LAMC1: variants seen among roughly 807,000 people sequenced by gnomAD.
LAMC1 encodes laminin subunit gamma 1, also known as laminin subunit gamma-1.
In LAMC1, 38 loss-of-function variants were observed where a neutral mutation model predicts 173.6. The observed-to-expected ratio is 0.22, with a 90% confidence interval of 0.17 to 0.29. The LOEUF (loss-of-function observed/expected upper bound fraction) is 0.29, where lower values mean the gene tolerates loss of function less well. Ranked by LOEUF, LAMC1 falls within the 10% of genes least tolerant of loss-of-function variation. The pLI is 1.00. For missense variants in LAMC1, 1,824 were observed against 2,051.8 expected, an observed-to-expected ratio of 0.89 and a Z score of 2.14; for synonymous variants, 746 against 749.1, an observed-to-expected ratio of 1.00 and a Z score of 0.07.
rs1364877892 is a variant in LAMC1 at position 183,116,778 on chromosome 1, G to T, written c.1439G>T (p.Gly480Val). 2.5e-6 allele frequency: 4 copies of T among 1,613,880 alleles called. No homozygotes were observed. In the South Asian group the frequency reaches 4.4e-5, roughly 18 times the overall value. The change falls in exon 8 of 28, where the codon GGA (glycine) becomes GTA (valine). Residue 480 changes from glycine (G) to valine (V), a missense_variant. Coordinates refer to ENST00000258341, the MANE Select transcript of LAMC1 (RefSeq NM_002293.4). The part of the protein sequence containing the change: ...EGFNCERCKP[G>V]FFNLESSNPR... ...TTAATCTTTTTCAGATGCAAACCTG[G>T]ATTTTTTAATCTGGAATCATCTAAT...
chr1:183,141,576 C>G (rs1657115672), intron 27 of LAMC1, among the ~76,000 whole-genome samples: 1 of 152,184 alleles, frequency 6.6e-6, no homozygotes, highest in South Asian at 2.1e-4. Flanking sequence ...AGCCAGGACT[C>G]TTTGTAGCAA....
intron 1 of LAMC1, among the ~76,000 whole-genome samples, chr1:183,031,433 T>A (rs899226490): frequency 6.6e-6 from 1 of 152,114 alleles, no homozygotes; most frequent in African/African-American, 2.4e-5. Context: ...GCCTCCCGAG[T>A]AGCTGGGATT....
chr1:183,139,223 C>G (rs1406637566), intron 26 of LAMC1, among the ~76,000 whole-genome samples: 4 of 152,116 alleles, frequency 2.6e-5, no homozygotes, highest in African/African-American at 9.7e-5. Context: ...GAAAGAAGAT[C>G]TTTTATTATT....
chr1:183,104,037 A>G (rs1571441804), intron 2 of LAMC1, among the ~76,000 whole-genome samples: 1 of 152,212 alleles, frequency 6.6e-6, no homozygotes, highest in East Asian at 1.9e-4. Context: ...ACAAAATAAA[A>G]TGTATTTTTT....
In LAMC1 at chr1:183,055,620, T is replaced by C. The variant is rs1248590210; in HGVS notation, c.418+31486T>C. On this transcript the variant is annotated intron_variant, in intron 1 of 27. Coordinates refer to ENST00000258341, the MANE Select transcript of LAMC1 (RefSeq NM_002293.4). ...CAAGGTCAAGAGATTGAGACCATCC[T>C]GGCCAACATGGTGAAACCCCATCTG... 3.3e-5 allele frequency among the ~76,000 whole-genome samples: 5 copies of C among 152,052 alleles called. No homozygotes were observed. In the East Asian group the frequency reaches 9.7e-4, roughly 30 times the overall value.
At chr1:183,043,129 A>G (rs1047156092) in intron 1 of LAMC1, among the ~76,000 whole-genome samples, 1 of 152,130 alleles carries the variant, frequency 6.6e-6, no homozygotes, top group African/African-American at 2.4e-5. Context: ...GCAGCTGTGA[A>G]TCATGTTTTA....
chr1:183,046,638 C>T (rs989307230), intron 1 of LAMC1, among the ~76,000 whole-genome samples: 5 of 151,948 alleles, frequency 3.3e-5, no homozygotes, highest in African/African-American at 9.7e-5. Flanking sequence ...AAAAATAAAA[C>T]TTTTTTTGTG....
chr1:183,085,695 A>G (rs936467375), intron 1 of LAMC1, among the ~76,000 whole-genome samples: 14 of 152,086 alleles, frequency 9.2e-5, no homozygotes, highest in Non-Finnish European at 1.6e-4. Context: ...GGCGGGGAGA[A>G]TGCATTTGTC....
At chr1:183,049,318 T>C (rs2102021495) in intron 1 of LAMC1, among the ~76,000 whole-genome samples, 1 of 152,346 alleles carries the variant, frequency 6.6e-6, no homozygotes, top group African/African-American at 2.4e-5. Flanking sequence ...GAATAAGTTG[T>C]GGCAGAAGTC....
Position 183,140,386 on chromosome 1 carries a change from C to T in LAMC1, c.4474-18C>T, listed in dbSNP as rs749703904. On this transcript the variant is annotated intron_variant, in intron 26 of 27. Transcript: ENST00000258341. ...AAAACATACAGTCAAGACTCTTTGC[C>T]TCATTTTTCCCTTACAGGCTTCACA... 6.4e-7 allele frequency: 1 copy of T among 1,555,772 alleles called. No individual in the cohort carries two copies. The highest frequency in any genetic ancestry group is 1.1e-5 in the South Asian group (1 of 89,034).
chr1:183,094,354 G>A (rs953311875), intron 1 of LAMC1, among the ~76,000 whole-genome samples: 1 of 152,100 alleles, frequency 6.6e-6, no homozygotes, highest in Non-Finnish European at 1.5e-5. Flanking sequence ...AATTAAATAG[G>A]CTCCCCACAA....
intron 1 of LAMC1, among the ~76,000 whole-genome samples, chr1:183,075,509 A>G (rs1203426912): frequency 6.6e-6 from 1 of 152,186 alleles, no homozygotes; most frequent in African/African-American, 2.4e-5. Flanking sequence ...TAGTAGTAAA[A>G]TATTTCTTGG....
intron 1 of LAMC1, among the ~76,000 whole-genome samples, chr1:183,032,819 G>C (rs1653880489): frequency 6.6e-6 from 1 of 152,130 alleles, no homozygotes; most frequent in African/African-American, 2.4e-5. Context: ...ATGATTGTTT[G>C]TGGCAGTGAC....
At chr1:183,047,263 A>G (rs1250872682) in intron 1 of LAMC1, among the ~76,000 whole-genome samples, 1 of 152,176 alleles carries the variant, frequency 6.6e-6, no homozygotes, top group Non-Finnish European at 1.5e-5. Flanking sequence ...TTTCCCTAAA[A>G]AACAAAGCAA....
At chr1:183,034,258 A>G (rs1043320319) in intron 1 of LAMC1, among the ~76,000 whole-genome samples, 2 of 152,090 alleles carry the variant, frequency 1.3e-5, no homozygotes, top group African/African-American at 4.8e-5. Context: ...ATTGACCTGT[A>G]GGCAAAATAA....
chr1:183,108,300 A>G lies in LAMC1; in HGVS notation c.748A>G (p.Arg250Gly), dbSNP rs1347406393. 1.2e-6 allele frequency: 2 copies of G among 1,613,466 alleles called. No individual in the cohort carries two copies. Among genetic ancestry groups the G allele is most frequent in the Non-Finnish European group, 1.7e-6 (2 of 1,179,646 alleles). Reference sequence around the variant, plus strand: ...GGAATGGGTAACTGCCACTGACATCAGAGTAACTCTTAATCGCCTGAACAC... The same window carrying G: ...GGAATGGGTAACTGCCACTGACATCGGAGTAACTCTTAATCGCCTGAACAC... ...LQEWVTATDI[R>G]VTLNRLNTFG... The change falls in exon 3 of 28, where the codon AGA (arginine) becomes GGA (glycine). Residue 250 changes from arginine (R) to glycine (G), a missense_variant. Arg to Gly is a moderately radical substitution (Grantham distance 125). Transcript: ENST00000258341.
chr1:183,096,332 A>G (rs1419464342), intron 1 of LAMC1, among the ~76,000 whole-genome samples: 3 of 152,242 alleles, frequency 2.0e-5, no homozygotes, highest in African/African-American at 7.2e-5. Flanking sequence ...TTAGCTCCAT[A>G]GTGATAATCA....
intron 5 of LAMC1, among the ~76,000 whole-genome samples, chr1:183,115,188 C>G (rs186211113): frequency 6.7e-4 from 102 of 152,230 alleles, no homozygotes; most frequent in African/African-American, 2.4e-3. Context: ...TACTTAAATT[C>G]TAGACATGGG....
chr1:183,109,201 A>G (rs927929101), intron 3 of LAMC1, among the ~76,000 whole-genome samples: 1 of 152,304 alleles, frequency 6.6e-6, no homozygotes, highest in African/African-American at 2.4e-5. Context: ...CCGGTATGGG[A>G]TTGGTGCTTA....
Sources: allele counts gnomAD v4.1 joint callset (sites outside exome capture counted in the v4.1 genomes callset), GRCh38; gene constraint gnomAD v4.1.1; transcripts MANE v1.5; gene names NCBI Gene and HGNC (gene_info 2026-07-23, HGNC 2026-07-21).